Variants in RPRD1A observed in about 807,000 individuals in gnomAD.
RPRD1A encodes regulation of nuclear pre-mRNA domain containing 1A, also known as regulation of nuclear pre-mRNA domain-containing protein 1A.
RPRD1A carries 9 observed loss-of-function variants against 37.8 expected under a neutral mutation model. The ratio of observed to expected loss-of-function variants is 0.24; its 90% confidence interval spans 0.14 to 0.42. The LOEUF (loss-of-function observed/expected upper bound fraction) is 0.42, where lower values mean the gene tolerates loss of function less well. Among genes scored for constraint, RPRD1A ranks in the 10% least tolerant of loss-of-function variants. RPRD1A has a pLI of 1.00. For synonymous variants in RPRD1A, 138 were observed against 139.7 expected (o/e 0.99, Z 0.08); for missense variants, 255 against 371.0 (o/e 0.69, Z 2.57).
At chr18:36,058,986 T>C (rs1443719636) in intron 1 of RPRD1A, among the ~76,000 whole-genome samples, 1 of 152,162 alleles carries the variant, frequency 6.6e-6, no homozygotes, top group Non-Finnish European at 1.5e-5. Flanking sequence ...TGGTATTTTT[T>C]AGCAAATATA....
chr18:35,995,261 G>GT (rs1232555714), intron 6 of RPRD1A, among the ~76,000 whole-genome samples: 8,863 of 109,226 alleles, frequency 0.081, 520 homozygotes, highest in Admixed American at 0.12. Context: ...GCTTTTTTTC[G>GT]TTTTTTTTTT....
intron 6 of RPRD1A, among the ~76,000 whole-genome samples, chr18:35,998,786 C>T (rs1276597091): frequency 2.6e-5 from 4 of 152,170 alleles, no homozygotes; most frequent in Non-Finnish European, 5.9e-5. Flanking sequence ...ACTATCTCTG[C>T]GCTGTTTGGT....
chr18:36,003,858 G>A (rs1219657620), intron 6 of RPRD1A, among the ~76,000 whole-genome samples: 1 of 151,984 alleles, frequency 6.6e-6, no homozygotes, highest in South Asian at 2.1e-4. Flanking sequence ...GAGTGCAGCA[G>A]CATAATCACA....
intron 4 of RPRD1A, among the ~76,000 whole-genome samples, chr18:36,029,109 T>G (rs1252118935): frequency 6.6e-6 from 1 of 152,244 alleles, no homozygotes; most frequent in African/African-American, 2.4e-5. Flanking sequence ...ACTTTTCTAT[T>G]CAAGCTCTTG....
chr18:36,007,424 A>G (rs187909880), intron 6 of RPRD1A, among the ~76,000 whole-genome samples: 3 of 152,362 alleles, frequency 2.0e-5, no homozygotes, highest in Non-Finnish European at 4.4e-5. Context: ...GTTCAATACT[A>G]AAGGAAAAGA....
chr18:36,032,081 C>T (rs1451307812), intron 2 of RPRD1A, among the ~76,000 whole-genome samples: 2 of 152,200 alleles, frequency 1.3e-5, no homozygotes, highest in Non-Finnish European at 2.9e-5. Context: ...GTTCAAATGC[C>T]ACCTTCCCCA....
At chr18:36,001,558 C>G (rs1470747748) in intron 6 of RPRD1A, among the ~76,000 whole-genome samples, 3 of 152,142 alleles carry the variant, frequency 2.0e-5, no homozygotes, top group Non-Finnish European at 4.4e-5. Flanking sequence ...AAACATCATT[C>G]CATAAGGTTT....
At chr18:36,067,149 C>T in intron 1 of RPRD1A, 105 bp downstream of exon 1, 2 of 1,288,080 alleles carry the variant, frequency 1.6e-6, no homozygotes, top group Non-Finnish European at 2.1e-6. Context: ...CGCGCGCTGG[C>T]ATCCCGACGC....
chr18:36,052,740 A>C (rs1239981718), intron 1 of RPRD1A: 2 of 152,150 alleles, frequency 1.3e-5, no homozygotes, highest in Non-Finnish European at 2.9e-5. Context: ...CTGGGATTAC[A>C]GGCATGTGCC....
chr18:36,029,599 G>A (rs1285327290), intron 4 of RPRD1A, among the ~76,000 whole-genome samples: 3 of 145,866 alleles, frequency 2.1e-5, no homozygotes, highest in Non-Finnish European at 4.5e-5. Flanking sequence ...ATAGAAGGAG[G>A]AAGCTTAAAG....
rs534915961 is a variant in RPRD1A at position 36,005,027 on chromosome 18, C to T, written c.790-11727G>A. ...TAAAAAATACAACTGCATGGCCAGG[C>T]GCAGTGGCTCACGCCTGTAATCCCA... On this transcript the variant is annotated intron_variant, in intron 6 of 6. Coordinates refer to ENST00000399022, the MANE Select transcript of RPRD1A (RefSeq NM_018170.5). 8.5e-5 allele frequency among the ~76,000 whole-genome samples: 13 copies of T among 152,356 alleles called. No individual in the cohort carries two copies. The East Asian group carries it at 1.5e-3, about 18-fold the overall frequency.
chr18:36,059,353 G>A (rs2088860404), intron 1 of RPRD1A, among the ~76,000 whole-genome samples: 1 of 152,026 alleles, frequency 6.6e-6, no homozygotes, highest in Non-Finnish European at 1.5e-5. Context: ...GCCCAGGCTG[G>A]TCTCAAACTC....
chr18:36,057,936 A>C (rs1913908273), intron 1 of RPRD1A, among the ~76,000 whole-genome samples: 1 of 152,206 alleles, frequency 6.6e-6, no homozygotes, highest in Non-Finnish European at 1.5e-5. Context: ...CTGATATGTA[A>C]GCTCCATGAA....
At chr18:36,057,495 C>G (rs1392902041) in intron 1 of RPRD1A, among the ~76,000 whole-genome samples, 1 of 152,092 alleles carries the variant, frequency 6.6e-6, no homozygotes, top group African/African-American at 2.4e-5. Flanking sequence ...CACCTATAGT[C>G]CCAGTACTCA....
At chr18:36,049,726 G>C (rs549043681) in intron 1 of RPRD1A, among the ~76,000 whole-genome samples, 3 of 152,194 alleles carry the variant, frequency 2.0e-5, no homozygotes, top group Admixed American at 1.3e-4. Context: ...TGGACACTTG[G>C]GTTGCTTTCA....
chr18:36,008,571 G>GTATATATATATATA (rs1359543093), intron 6 of RPRD1A, among the ~76,000 whole-genome samples: 984 of 27,866 alleles, frequency 0.035, 66 homozygotes, highest in East Asian at 0.19. Flanking sequence ...GCAAGACCTT[G>GTATATATATATATA]TGTGTGTATA....
At chr18:36,063,865 G>T (rs986474694) in intron 1 of RPRD1A, 1 of 152,196 alleles carries the variant, frequency 6.6e-6, no homozygotes, top group Non-Finnish European at 1.5e-5. Context: ...AGCGGCAGCG[G>T]TATGTTCATC....
At chr18:36,012,280 AAGTAC>A (rs1356512160) in intron 6 of RPRD1A, among the ~76,000 whole-genome samples, 3 of 152,216 alleles carry the variant, frequency 2.0e-5, no homozygotes, top group Non-Finnish European at 4.4e-5. Flanking sequence ...AGTTGTATAA[AAGTAC>A]AGTACAATTA....
intron 1 of RPRD1A, among the ~76,000 whole-genome samples, chr18:36,047,358 T>C (rs1168624134): frequency 6.6e-6 from 1 of 151,880 alleles, no homozygotes; most frequent in Admixed American, 6.6e-5. Context: ...ATACCAAAGG[T>C]ACACATGAAA....
Sources: allele counts gnomAD v4.1 joint callset (sites outside exome capture counted in the v4.1 genomes callset), GRCh38; gene constraint gnomAD v4.1.1; transcripts MANE v1.5; gene names NCBI Gene and HGNC (gene_info 2026-07-23, HGNC 2026-07-21).